Variants in ALCAM observed in about 807,000 individuals in gnomAD.
ALCAM encodes CD166 antigen.
Under a neutral mutation model 70.9 loss-of-function variants are expected in ALCAM, and 30 were observed. That is an observed-to-expected ratio of 0.42 (90% CI 0.32 to 0.57). The LOEUF is 0.57. Ranked by LOEUF, ALCAM falls within the 20% of genes least tolerant of loss-of-function variation. The pLI is 0.11. For synonymous variants in ALCAM, 249 were observed against 242.5 expected, an observed-to-expected ratio of 1.03 and a Z score of -0.25; for missense variants, 591 against 695.1, an observed-to-expected ratio of 0.85 and a Z score of 1.68.
chr3:105,504,501 A>C (rs1939009664), intron 1 of ALCAM, among the ~76,000 whole-genome samples: 1 of 152,162 alleles, frequency 6.6e-6, no homozygotes, highest in African/African-American at 2.4e-5. Flanking sequence ...TTTCTCCTGG[A>C]GTCTGGCCAC....
At chr3:105,446,360 T>C (rs1338669076) in intron 1 of ALCAM, among the ~76,000 whole-genome samples, 1 of 152,132 alleles carries the variant, frequency 6.6e-6, no homozygotes, top group Non-Finnish European at 1.5e-5. Context: ...GGAATTCTTA[T>C]ACACTGGTGG....
intron 1 of ALCAM, among the ~76,000 whole-genome samples, chr3:105,440,151 A>G (rs1165191839): frequency 6.6e-6 from 1 of 152,166 alleles, no homozygotes; most frequent in East Asian, 1.9e-4. Flanking sequence ...GGACCAGGAA[A>G]AAACCAAGTC....
intron 7 of ALCAM, among the ~76,000 whole-genome samples, chr3:105,541,318 A>G (rs566778280): frequency 7.9e-5 from 12 of 151,860 alleles, no homozygotes; most frequent in African/African-American, 9.7e-5. Flanking sequence ...GTCAAATTAC[A>G]TAAGGCATAA....
intron 1 of ALCAM, among the ~76,000 whole-genome samples, chr3:105,423,886 A>G (rs994416926): frequency 6.6e-6 from 1 of 151,644 alleles, no homozygotes; most frequent in Non-Finnish European, 1.5e-5. Context: ...CATGATGACT[A>G]TTCTGTCTTG....
chr3:105,407,946 A>C (rs536742593), intron 1 of ALCAM, among the ~76,000 whole-genome samples: 4 of 152,250 alleles, frequency 2.6e-5, no homozygotes, highest in Admixed American at 2.6e-4. Flanking sequence ...CAAGAACTCA[A>C]CCTGATTTAC....
At chr3:105,377,135 T>A (rs1935398072) in intron 1 of ALCAM, among the ~76,000 whole-genome samples, 1 of 152,164 alleles carries the variant, frequency 6.6e-6, no homozygotes, top group South Asian at 2.1e-4. Flanking sequence ...CAGTACATTT[T>A]GGAGATTAAA....
intron 1 of ALCAM, among the ~76,000 whole-genome samples, chr3:105,514,377 A>G (rs1044098730): frequency 2.6e-5 from 4 of 151,954 alleles, no homozygotes; most frequent in African/African-American, 9.7e-5. Context: ...GGTAAAGCCT[A>G]AACTAATTGG....
chr3:105,520,193 G>C (rs772285656), intron 2 of ALCAM, 26 bp downstream of exon 2: 12 of 1,461,804 alleles, frequency 8.2e-6, no homozygotes. Context: ...CTGGGACTTG[G>C]TTAATTGCCC....
chr3:105,403,817 A>G (rs1936152455), intron 1 of ALCAM, among the ~76,000 whole-genome samples: 1 of 151,884 alleles, frequency 6.6e-6, no homozygotes, highest in South Asian at 2.1e-4. Flanking sequence ...GTGAAGTCCA[A>G]CTTAATGAAA....
chr3:105,405,357 C>T (rs1404594028), intron 1 of ALCAM, among the ~76,000 whole-genome samples: 1 of 146,992 alleles, frequency 6.8e-6, no homozygotes, highest in Non-Finnish European at 1.5e-5. Flanking sequence ...CAGGAAAATA[C>T]CCCAATTCTA....
At chr3:105,545,455 C>G in intron 9 of ALCAM, 120 bp downstream of exon 9, 1 of 626,738 alleles carries the variant, frequency 1.6e-6, no homozygotes, top group Non-Finnish European at 2.8e-6. Context: ...CCAGCTCTCT[C>G]TCTCTCTCTG....
At chr3:105,522,741 T>C (rs1576219203) in intron 2 of ALCAM, among the ~76,000 whole-genome samples, 1 of 152,332 alleles carries the variant, frequency 6.6e-6, no homozygotes, top group Non-Finnish European at 1.5e-5. Context: ...CCTTGGAAAG[T>C]TACTTAACCA....
chr3:105,459,378 G>C (rs1234373340), intron 1 of ALCAM, among the ~76,000 whole-genome samples: 1 of 152,010 alleles, frequency 6.6e-6, no homozygotes, highest in Admixed American at 6.6e-5. Context: ...GTAACTTTTT[G>C]TGTCCTTGCA....
chr3:105,509,190 G>C (rs372660954), intron 1 of ALCAM, among the ~76,000 whole-genome samples: 2 of 151,946 alleles, frequency 1.3e-5, no homozygotes, highest in Admixed American at 6.6e-5. Context: ...GGGAGTACAG[G>C]CATCTCAGTA....
intron 1 of ALCAM, among the ~76,000 whole-genome samples, chr3:105,435,384 A>C (rs1937028120): frequency 6.6e-6 from 1 of 152,234 alleles, no homozygotes; most frequent in Non-Finnish European, 1.5e-5. Flanking sequence ...AGTAAATAAA[A>C]GGAGGACACA....
At chr3:105,512,981 C>T (rs1939277247) in intron 1 of ALCAM, among the ~76,000 whole-genome samples, 1 of 151,724 alleles carries the variant, frequency 6.6e-6, no homozygotes, top group African/African-American at 2.4e-5. Context: ...TTTAGTCCTC[C>T]TTACTATGAA....
At chr3:105,435,755 C>T (rs1293004305) in intron 1 of ALCAM, among the ~76,000 whole-genome samples, 1 of 152,100 alleles carries the variant, frequency 6.6e-6, no homozygotes, top group Non-Finnish European at 1.5e-5. Context: ...AAAGACATAC[C>T]CAAACCTGGG....
At chr3:105,538,723 G>A (rs1168579789) in intron 6 of ALCAM, among the ~76,000 whole-genome samples, 1 of 152,082 alleles carries the variant, frequency 6.6e-6, no homozygotes, top group Non-Finnish European at 1.5e-5. Context: ...GGTCAGCAGG[G>A]CACCAAAACC....
intron 1 of ALCAM, among the ~76,000 whole-genome samples, chr3:105,480,285 G>A (rs1576191250): frequency 6.6e-6 from 1 of 152,030 alleles, no homozygotes; most frequent in East Asian, 1.9e-4. Flanking sequence ...AGGAGGCAGA[G>A]GGTGCAGTAA....
Sources: gnomAD v4.1 joint callset for allele counts (sites outside exome capture counted in the v4.1 genomes callset) on GRCh38, gnomAD v4.1.1 for gene constraint, MANE v1.5 for transcripts, NCBI Gene and HGNC (gene_info 2026-07-23, HGNC 2026-07-21) for gene names.